Variants in SVOP observed in about 807,000 individuals in gnomAD.
SVOP encodes the protein SV2 related protein, also known as synaptic vesicle 2-related protein.
SVOP carries 17 observed loss-of-function variants against 69.1 expected under a neutral mutation model. That is an observed-to-expected ratio of 0.25 (90% CI 0.17 to 0.37). The LOEUF is 0.37. Ranked by LOEUF, SVOP falls within the 10% of genes least tolerant of loss-of-function variation. The probability of loss-of-function intolerance (pLI) is 1.00; values close to 1 mark genes in which losing one functional copy is unlikely to be tolerated. For synonymous variants in SVOP, 238 were observed against 238.6 expected (o/e 1.00, Z 0.02); for missense variants, 435 against 597.5 (o/e 0.73, Z 2.84).
At chr12:108,984,425 G>A (rs1418010502) in intron 1 of SVOP, among the ~76,000 whole-genome samples, 5 of 152,194 alleles carry the variant, frequency 3.3e-5, no homozygotes, top group Non-Finnish European at 2.9e-5. Flanking sequence ...CATTGGAATT[G>A]TGCTAGGTCT....
At chr12:108,992,930 G>T in intron 1 of SVOP, among the ~76,000 whole-genome samples, 1 of 152,176 alleles carries the variant, frequency 6.6e-6, no homozygotes, top group East Asian at 1.9e-4. Flanking sequence ...GTGGGGGGCT[G>T]GGGTGGCACA....
intron 1 of SVOP, among the ~76,000 whole-genome samples, chr12:109,004,429 T>TTTTTGG (rs2040292799): frequency 1.3e-5 from 2 of 150,002 alleles, no homozygotes; most frequent in Admixed American, 1.3e-4. Flanking sequence ...TTTTTTTTTT[T>TTTTTGG]GAGACAGGGT....
At chr12:109,007,787 C>T (rs983883727) in intron 1 of SVOP, among the ~76,000 whole-genome samples, 16 of 152,074 alleles carry the variant, frequency 1.1e-4, no homozygotes, top group African/African-American at 3.9e-4. Flanking sequence ...GCCTATAATC[C>T]CAACACTTGG....
intron 2 of SVOP, among the ~76,000 whole-genome samples, chr12:108,979,907 T>C (rs997233691): frequency 0.33 from 50,174 of 152,094 alleles, 8,785 homozygotes; most frequent in African/African-American, 0.44. Context: ...TGCTGTGGCT[T>C]ATGCCTGTAA....
chr12:108,915,172 C>CAAAAAA (rs78563087), intron 15 of SVOP, among the ~76,000 whole-genome samples: 1 of 113,968 alleles, frequency 8.8e-6, no homozygotes, highest in African/African-American at 3.6e-5. Context: ...GACTCCATCC[C>CAAAAAA]AAAAAAAAAA....
Position 109,021,062 on chromosome 12 carries a change from C to T in SVOP, c.-194G>A, listed in dbSNP as rs909344038. 18 of 562,148 alleles carry T rather than the reference C, an allele frequency of 3.2e-5. No individual in the cohort carries two copies. The South Asian group carries it at 3.3e-4, about 10-fold the overall frequency. The allele number at this position is 562,148 out of a possible 1,614,324, so 34.8% of individuals were successfully genotyped here. A position where few individuals can be genotyped will look rare whatever the true frequency, so the allele number is the denominator to read the frequency against. On this transcript the variant is annotated 5_prime_UTR_variant, in exon 1 of 16. Coordinates refer to ENST00000610966, the MANE Select transcript of SVOP (RefSeq NM_018711.5). ...AGCCTCCGCCGCCAGGAGACCGCGG[C>T]GAGAGTGGGCGGAGAAGAGGAGGCG...
chr12:108,934,387 A>G, intron 10 of SVOP, 116 bp from the exon 11 acceptor site: 1 of 823,776 alleles, frequency 1.2e-6, no homozygotes, highest in East Asian at 2.8e-5. Flanking sequence ...TTTGGGCTTC[A>G]CTGGGATTTT....
chr12:109,019,453 A>G (rs1046542411), intron 1 of SVOP, among the ~76,000 whole-genome samples: 5 of 152,200 alleles, frequency 3.3e-5, no homozygotes, highest in Non-Finnish European at 5.9e-5. Flanking sequence ...CACAGTTCCA[A>G]TATGTAGTCT....
intron 11 of SVOP, among the ~76,000 whole-genome samples, chr12:108,932,394 C>T (rs1330684131): frequency 1.3e-5 from 2 of 151,928 alleles, no homozygotes; most frequent in Non-Finnish European, 2.9e-5. Context: ...GAGCTATGAT[C>T]ACACCACTGC....
At chr12:108,921,571 G>A (rs1020450126) in intron 12 of SVOP, among the ~76,000 whole-genome samples, 13 of 152,104 alleles carry the variant, frequency 8.5e-5, no homozygotes, top group Admixed American at 3.9e-4. Flanking sequence ...TAGAACATGC[G>A]CCTTGGAGTT....
chr12:108,945,338 T>C (rs1267629482), intron 6 of SVOP, among the ~76,000 whole-genome samples, 172 bp from the exon 7 acceptor site: 1 of 152,206 alleles, frequency 6.6e-6, no homozygotes, highest in African/African-American at 2.4e-5. Context: ...GCTCCCTCCC[T>C]TCCTAGACCT....
At chr12:109,020,765 C>CCCCCCCT in intron 1 of SVOP, 69 bp downstream of exon 1, 1 of 414,646 alleles carries the variant, frequency 2.4e-6, no homozygotes, top group Non-Finnish European at 4.7e-6. Context: ...CCCCCCCCCA[C>CCCCCCCT]CCCCCTTGCA....
chr12:108,989,482 G>C (rs1475474454), intron 1 of SVOP, among the ~76,000 whole-genome samples: 3 of 152,148 alleles, frequency 2.0e-5, no homozygotes, highest in African/African-American at 7.2e-5. Context: ...CTGAAGTCTA[G>C]CCTCAGCCTG....
intron 6 of SVOP, among the ~76,000 whole-genome samples, chr12:108,952,549 C>T (rs1273610485): frequency 6.6e-6 from 1 of 152,054 alleles, no homozygotes; most frequent in Non-Finnish European, 1.5e-5. Flanking sequence ...CTACACTACA[C>T]TTAATAACTA....
intron 1 of SVOP, among the ~76,000 whole-genome samples, chr12:109,001,762 G>A (rs75000842): frequency 2.0e-5 from 3 of 147,866 alleles, no homozygotes; most frequent in East Asian, 2.0e-4. Flanking sequence ...CCATATGTAG[G>A]AAGCTGAAAC....
intron 11 of SVOP, among the ~76,000 whole-genome samples, chr12:108,929,472 G>A (rs759769945): frequency 4.6e-5 from 7 of 151,800 alleles, no homozygotes; most frequent in African/African-American, 9.7e-5. Flanking sequence ...ACAGGCATGC[G>A]AATTTTTTCT....
chr12:108,955,523 G>A (rs1216697991), intron 6 of SVOP, among the ~76,000 whole-genome samples: 1 of 152,208 alleles, frequency 6.6e-6, no homozygotes, highest in Admixed American at 6.5e-5. Context: ...CAGAGCCCTG[G>A]AGGAATTAAT....
chr12:108,944,974 G>A (rs569907383), intron 7 of SVOP, 129 bp downstream of exon 7: 63 of 779,164 alleles, frequency 8.1e-5, no homozygotes, highest in Middle Eastern at 3.6e-4. Context: ...ATCCTTTTAC[G>A]TCTTTGCATA....
At chr12:108,943,904 CAG>C (rs2039907914) in intron 7 of SVOP, among the ~76,000 whole-genome samples, 1 of 150,132 alleles carries the variant, frequency 6.7e-6, no homozygotes, top group Non-Finnish European at 1.5e-5. Flanking sequence ...TTTTTTGAGA[CAG>C]AGTCTTGCTC....
Sources: gnomAD v4.1 joint callset for allele counts (sites outside exome capture counted in the v4.1 genomes callset) on GRCh38, gnomAD v4.1.1 for gene constraint, MANE v1.5 for transcripts, NCBI Gene and HGNC (gene_info 2026-07-23, HGNC 2026-07-21) for gene names.